HECW2: variants seen among roughly 807,000 people sequenced by gnomAD.
The protein encoded by HECW2 is E3 ubiquitin-protein ligase HECW2.
Under a neutral mutation model 175.2 loss-of-function variants are expected in HECW2, and 61 were observed. The ratio of observed to expected loss-of-function variants is 0.35; its 90% confidence interval spans 0.28 to 0.43. The LOEUF (loss-of-function observed/expected upper bound fraction) is 0.43, where lower values mean the gene tolerates loss of function less well. Among genes scored for constraint, HECW2 ranks in the 20% least tolerant of loss-of-function variants. The probability of loss-of-function intolerance (pLI) is 1.00; values close to 1 mark genes in which losing one functional copy is unlikely to be tolerated. For missense variants in HECW2, 1,524 were observed against 2,000.5 expected (o/e 0.76, Z 4.54); for synonymous variants, 671 against 731.0 (o/e 0.92, Z 1.32).
intron 1 of HECW2, among the ~76,000 whole-genome samples, chr2:196,585,124 G>A (rs963316763): frequency 3.9e-5 from 6 of 152,020 alleles, no homozygotes; most frequent in African/African-American, 1.2e-4. Flanking sequence ...ATATTACTGA[G>A]GTATACCATA....
chr2:196,329,737 A>C, intron 4 of HECW2, 87 bp from the exon 5 acceptor site: 1 of 1,074,968 alleles, frequency 9.3e-7, no homozygotes, highest in Non-Finnish European at 1.4e-6. Flanking sequence ...TCCTAAATGC[A>C]ATGATTTTTG....
chr2:196,473,358 C>G (rs1221781130), intron 1 of HECW2, among the ~76,000 whole-genome samples: 1 of 152,236 alleles, frequency 6.6e-6, no homozygotes, highest in East Asian at 1.9e-4. Flanking sequence ...AGACACAAAT[C>G]TAAATTAATT....
rs574601558 is a variant in HECW2 at position 196,317,339 on chromosome 2, C to T, written c.2369G>A (p.Arg790Gln). Residue 790 changes from arginine (R) to glutamine (Q), a missense_variant, in exon 10 of 29, where the codon CGA (arginine) becomes CAA (glutamine). Physicochemically the swap from Arg to Gln is conservative, Grantham distance 43. Around this residue, in one of 11 missense-constraint regions of HECW2, gnomAD observed 82 missense variants for 124.4 expected, o/e 0.66. Coordinates refer to ENST00000644978, the MANE Select transcript of HECW2 (RefSeq NM_001348768.2). The part of the protein sequence containing the change: ...GSQANGHQPL[R>Q]SLPSVRQDVS... Reference sequence around the variant, plus strand: ...ATCCTGGCGCACTGAAGGTAGTGATCGCAGTGGCTGGTGGCCGTTGGCTTG... The same window carrying T: ...ATCCTGGCGCACTGAAGGTAGTGATTGCAGTGGCTGGTGGCCGTTGGCTTG... 4 of 1,613,364 alleles carry T rather than the reference C, an allele frequency of 2.5e-6. No homozygotes were observed. Among genetic ancestry groups the T allele is most frequent in the Admixed American group, 1.7e-5 (1 of 59,936 alleles).
At chr2:196,278,133 A>AATATATATATATATATATAT (rs71009094) in intron 15 of HECW2, among the ~76,000 whole-genome samples, 2 of 66,552 alleles carry the variant, frequency 3.0e-5, no homozygotes, top group Admixed American at 2.2e-4. Flanking sequence ...ATAATTAAAA[A>AATATATATATATATATATAT]ATATATATAT....
rs376120942 is a variant in HECW2, at chr2:196,417,384, C to T, written c.292+15748G>A. ...TGTCACTAAGATGACAATGTTGCTGCTTGCCCTAGCAGTGTTGATGCAGTT... is the reference window on the plus strand; with the variant it reads ...TGTCACTAAGATGACAATGTTGCTGTTTGCCCTAGCAGTGTTGATGCAGTT... On this transcript the variant is annotated intron_variant, in intron 2 of 28. Coordinates refer to ENST00000644978, the MANE Select transcript of HECW2 (RefSeq NM_001348768.2). Among the ~76,000 whole-genome samples, 143 of 152,250 alleles carry T rather than the reference C, an allele frequency of 9.4e-4. 2 individuals are homozygous for T. The Middle Eastern group carries it at 0.024, about 25-fold the overall frequency.
chr2:196,472,233 C>T (rs1697231049), intron 1 of HECW2, among the ~76,000 whole-genome samples: 1 of 151,914 alleles, frequency 6.6e-6, no homozygotes, highest in African/African-American at 2.4e-5. Flanking sequence ...CCTGTAATCC[C>T]AGCACTTTGG....
At position 196,201,015 on chromosome 2, in the gene HECW2, A is replaced by G; in HGVS notation, c.*262T>C. 2.7e-6 allele frequency: 1 copy of G among 369,422 alleles called. No individual in the cohort carries two copies. The highest frequency in any genetic ancestry group is 5.2e-6 in the Non-Finnish European group (1 of 194,030). The allele number at this position is 369,422 out of a possible 1,614,324, so 22.9% of individuals were successfully genotyped here. On this transcript the variant is annotated 3_prime_UTR_variant, in exon 29 of 29. Transcript: ENST00000644978. ...GGGTTCATCTTTGTCTTGGAACATA[A>G]CAAATGGAAAAAGTTTGGCAGTCAA...
At chr2:196,487,619 T>A (rs1575599154) in intron 1 of HECW2, among the ~76,000 whole-genome samples, 1 of 152,138 alleles carries the variant, frequency 6.6e-6, no homozygotes, top group African/African-American at 2.4e-5. Context: ...TCGCATTACA[T>A]CCCACACCGA....
intron 13 of HECW2, among the ~76,000 whole-genome samples, chr2:196,298,483 T>TC (rs1481452176): frequency 6.6e-6 from 1 of 152,140 alleles, no homozygotes; most frequent in East Asian, 1.9e-4. Context: ...AATCTATTTT[T>TC]CTTTTTTTTT....
chr2:196,402,974 T>G (rs915445465), intron 2 of HECW2, among the ~76,000 whole-genome samples: 1 of 152,096 alleles, frequency 6.6e-6, no homozygotes, highest in Non-Finnish European at 1.5e-5. Context: ...GCTTGGCTAA[T>G]TTTTGTATTT....
intron 2 of HECW2, among the ~76,000 whole-genome samples, chr2:196,360,706 A>T (rs574443608): frequency 6.6e-5 from 10 of 152,304 alleles, no homozygotes; most frequent in Non-Finnish European, 1.5e-4. Context: ...AGGAAAAAAA[A>T]CAGGTGGGAG....
chr2:196,429,791 T>C (rs563801622), intron 2 of HECW2, among the ~76,000 whole-genome samples: 1 of 151,970 alleles, frequency 6.6e-6, no homozygotes, highest in African/African-American at 2.4e-5. Flanking sequence ...TCAACCGGAG[T>C]ACTAGAATCT....
intron 1 of HECW2, among the ~76,000 whole-genome samples, chr2:196,532,672 A>T (rs944947084): frequency 7.4e-6 from 1 of 134,776 alleles, no homozygotes; most frequent in African/African-American, 3.8e-5. Flanking sequence ...AGTTAATATT[A>T]AAAAAAAAAT....
At chr2:196,394,349 G>A (rs1321964552) in intron 2 of HECW2, among the ~76,000 whole-genome samples, 1 of 152,050 alleles carries the variant, frequency 6.6e-6, no homozygotes, top group Non-Finnish European at 1.5e-5. Flanking sequence ...AGTACAGGTG[G>A]TAAATGTAAA....
chr2:196,527,990 G>A (rs1479507484), intron 1 of HECW2, among the ~76,000 whole-genome samples: 1 of 152,072 alleles, frequency 6.6e-6, no homozygotes, highest in Non-Finnish European at 1.5e-5. Flanking sequence ...TGTTCATAAA[G>A]CCCATAAAAG....
intron 2 of HECW2, 25 bp downstream of exon 2, chr2:196,433,107 T>C: frequency 6.3e-7 from 1 of 1,577,378 alleles, no homozygotes; most frequent in African/African-American, 1.4e-5. Flanking sequence ...CTGAGTCACA[T>C]GCAAGTCCAT....
intron 1 of HECW2, among the ~76,000 whole-genome samples, chr2:196,515,864 C>T (rs1265166393): frequency 6.6e-6 from 1 of 151,858 alleles, no homozygotes; most frequent in African/African-American, 2.4e-5. Context: ...TGGCTCATGC[C>T]TGTAATCCCA....
At chr2:196,301,281 T>A (rs1332108633) in intron 13 of HECW2, among the ~76,000 whole-genome samples, 2 of 152,232 alleles carry the variant, frequency 1.3e-5, no homozygotes, top group African/African-American at 4.8e-5. Context: ...CTATCATTGA[T>A]GGGCATTTGG....
intron 2 of HECW2, among the ~76,000 whole-genome samples, chr2:196,355,082 CTT>C (rs1359000113): frequency 1.3e-5 from 2 of 152,144 alleles, no homozygotes; most frequent in African/African-American, 2.4e-5. Context: ...AAACAAGAAA[CTT>C]ATAATTTATG....
Sources: allele counts gnomAD v4.1 joint callset (sites outside exome capture counted in the v4.1 genomes callset), GRCh38; gene constraint gnomAD v4.1.1; regional missense constraint gnomAD v4.1.1; transcripts MANE v1.5; gene names NCBI Gene and HGNC (gene_info 2026-07-23, HGNC 2026-07-21).